The following FBN3 variants were observed in gnomAD, a reference collection of about 807,000 sequenced individuals.
FBN3 encodes fibrillin 3.
Under a neutral mutation model 330.1 loss-of-function variants are expected in FBN3, and 234 were observed. The ratio of observed to expected loss-of-function variants is 0.71; its 90% CI spans 0.64 to 0.79. The LOEUF is 0.79. Ranked by LOEUF, FBN3 falls within the 30% of genes least tolerant of loss-of-function variation. FBN3 has a pLI of 0.00. For synonymous variants in FBN3, 1,458 were observed against 1,517.3 expected (o/e 0.96, Z 0.91); for missense variants, 3,606 against 3,886.9 (o/e 0.93, Z 1.92).
Position 8,087,095 on chromosome 19 carries a change from A to G in FBN3, c.6736T>C (p.Ser2246Pro). 6.2e-7 allele frequency: 1 copy of G among 1,609,234 alleles called. No individual in the cohort carries two copies. Among genetic ancestry groups the G allele is most frequent in the Non-Finnish European group, 8.5e-7 (1 of 1,179,306 alleles). ...CCCATACCTGTGCAGCCCTCCCCAG[A>G]GCCAGGCAGGGGCCGCATGCCTGGG... is the stretch of plus-strand genomic sequence containing the variant. ...CPPGMRPLPG[S>P]GEGCTDDNEC... The change falls in exon 54 of 64, where the codon TCT (serine) becomes CCT (proline). Residue 2246 changes from serine (S) to proline (P), a missense_variant. Transcript: ENST00000600128.
intron 18 of FBN3, among the ~76,000 whole-genome samples, chr19:8,127,550 A>G (rs1302293669): frequency 6.6e-6 from 1 of 152,198 alleles, no homozygotes; most frequent in Admixed American, 6.5e-5. Context: ...GCTCAGTCCC[A>G]CAAGACTGTC....
rs2082238444 is a variant in FBN3, at chr19:8,097,539, C to A, written c.5162-125G>T. The A allele has an allele frequency of 2.7e-6, 3 of 1,104,060 alleles. No homozygotes were observed. The East Asian group carries it at 8.0e-5, about 29-fold the overall frequency. The allele number at this position is 1,104,060 out of a possible 1,614,324, so 68.4% of individuals were successfully genotyped here. A position where few individuals can be genotyped will look rare whatever the true frequency, so the allele number is the denominator to read the frequency against. On this transcript the variant is annotated intron_variant, in intron 41 of 63. Coordinates refer to ENST00000600128, the MANE Select transcript of FBN3 (RefSeq NM_032447.5). ...TTGTGGCCACAAACCAGCACACACTCAAGAAAATCTTGCTGTGACCAAAAT... is the reference window on the plus strand; with the variant it reads ...TTGTGGCCACAAACCAGCACACACTAAAGAAAATCTTGCTGTGACCAAAAT...
chr19:8,105,610 T>G (rs28504177), intron 38 of FBN3, among the ~76,000 whole-genome samples: 4 of 152,108 alleles, frequency 2.6e-5, no homozygotes, highest in Admixed American at 1.3e-4. Flanking sequence ...CTTCTTTTGG[T>G]TTTTTCAACC....
chr19:8,075,316 A>G lies in FBN3; in HGVS notation c.7549T>C (p.Phe2517Leu). 6.2e-7 allele frequency: 1 copy of G among 1,614,192 alleles called. No homozygotes were observed. The highest frequency in any genetic ancestry group is 8.5e-7 in the Non-Finnish European group (1 of 1,180,008). ...GSFRCECHQG[F>L]TLVSSGHGCE... ...CCATGGCCTGAGCTGACCAGGGTGA[A>G]GCCTTGGTGGCATTCACAGCGGAAG... Residue 2517 changes from phenylalanine (F) to leucine (L), a missense_variant, in exon 60 of 64, where the codon TTC becomes CTC. Transcript: ENST00000600128.
Position 8,121,443 on chromosome 19 carries a change from G to A in FBN3, c.3083-57C>T. The stretch of plus-strand genomic sequence containing the variant: ...CCATGTGGGCCGCATCATGGGGCAC[G>A]AGGCAGGGGGGTCCCTGTCCTTTGA... On this transcript the variant is annotated intron_variant, in intron 24 of 63. Transcript: ENST00000600128. This position sits in a 1 kb window ranked among gnomAD's most constrained non-coding sequence, Gnocchi z 4.5. 2.7e-6 allele frequency: 4 copies of A among 1,487,054 alleles called. No homozygotes were observed. Among genetic ancestry groups the A allele is most frequent in the South Asian group, 1.3e-5 (1 of 74,860 alleles). 92.1% of individuals were successfully genotyped at this position (1,487,054 alleles called of 1,614,324 possible). A position where few individuals can be genotyped will look rare whatever the true frequency, so the allele number is the denominator to read the frequency against.
chr19:8,111,949 C>T, intron 31 of FBN3, 28 bp downstream of exon 31: 2 of 1,077,376 alleles, frequency 1.9e-6, no homozygotes, highest in Non-Finnish European at 2.6e-6. Flanking sequence ...TACTGCTTTG[C>T]CCCCACTCCC....
At chr19:8,106,787 A>G (rs1162795368) in intron 37 of FBN3, among the ~76,000 whole-genome samples, 1 of 150,976 alleles carries the variant, frequency 6.6e-6, no homozygotes, top group African/African-American at 2.4e-5. Context: ...AGATGGATGG[A>G]AGGGTGGATG....
At chr19:8,095,262 A>C in intron 46 of FBN3, 113 bp downstream of exon 46, 1 of 1,181,788 alleles carries the variant, frequency 8.5e-7, no homozygotes, top group South Asian at 1.7e-5. Flanking sequence ...TTTAAATCTT[A>C]AAATAAATGC....
chr19:8,120,019 C>G (rs1361313421), intron 25 of FBN3, among the ~76,000 whole-genome samples: 1 of 151,268 alleles, frequency 6.6e-6, no homozygotes, highest in African/African-American at 2.4e-5. Context: ...CGGGGCCTCT[C>G]TATGTTGACC....
At chr19:8,135,459 G>C (rs1266049357) in intron 13 of FBN3, among the ~76,000 whole-genome samples, 2 of 151,290 alleles carry the variant, frequency 1.3e-5, no homozygotes, top group African/African-American at 4.9e-5. Context: ...TTTGTATTTA[G>C]TAGAGATGGG....
chr19:8,136,412 G>A lies in FBN3; in HGVS notation c.1321C>T (p.Gln441Ter). ...CCAATGCACTCGCCGCGCACGTCCT[G>A]GGTGTAGCCCACGTTACACTCGCAG... ...YRCECNVGYT[Q>*]DVRGECIDVD... is the part of the protein sequence containing the mutation. Residue 441 changes from glutamine to a stop codon, truncating the protein, a stop_gained, in exon 11 of 64, where the codon CAG becomes TAG. Transcript: ENST00000600128. LOFTEE classifies it high-confidence loss of function. The A allele has an allele frequency of 1.2e-6, 2 of 1,614,146 alleles. No homozygotes were observed. The highest frequency in any genetic ancestry group is 8.5e-7 in the Non-Finnish European group (1 of 1,180,006).
chr19:8,121,307 C>G lies in FBN3; in HGVS notation c.3162G>C (p.Glu1054Asp). ...AGCCACTCTCGTAGCCGGGAAAACA[C>G]TCGCACTCAAAGCTGCCCGGCGTGT... The part of the protein sequence containing the change: ...CVNTPGSFEC[E>D]CFPGYESGFM... Residue 1054 changes from glutamate to aspartate, a missense_variant, in exon 25 of 64, where the codon GAG (glutamate) becomes GAC (aspartate). Transcript: ENST00000600128. This position sits in a 1 kb window ranked among gnomAD's most constrained non-coding sequence, Gnocchi z 4.5. 1 of 1,613,388 alleles carries G rather than the reference C, an allele frequency of 6.2e-7. No homozygotes were observed. The highest frequency in any genetic ancestry group is 1.1e-5 in the South Asian group (1 of 90,990).
chr19:8,134,988 A>AT lies in FBN3; in HGVS notation c.1591+972dup, dbSNP rs751685433. 5.5e-3 allele frequency among the ~76,000 whole-genome samples: 820 copies of AT among 148,352 alleles called. 6 individuals are homozygous for AT. Among genetic ancestry groups the AT allele is most frequent in the African/African-American group, 0.019 (771 of 40,814 alleles). On this transcript the variant is annotated intron_variant, in intron 13 of 63. Coordinates refer to ENST00000600128, the MANE Select transcript of FBN3 (RefSeq NM_032447.5). ...ATATATATTTTACATATATATATAT[A>AT]TATTTTTTGAAACAAGGTCTAGGTC...
intron 59 of FBN3, among the ~76,000 whole-genome samples, chr19:8,077,886 G>A (rs2081678249): frequency 1.3e-5 from 2 of 152,102 alleles, no homozygotes; most frequent in Non-Finnish European, 2.9e-5. Context: ...AGACCAGCCC[G>A]GGCAACATGG....
rs3813779 is a variant in FBN3 at position 8,109,766 on chromosome 19, A to G, written c.4334-13T>C. 0.52 allele frequency: 755,869 copies of G among 1,459,034 alleles called. 200,529 individuals carry two copies. Among genetic ancestry groups the G allele is most frequent in the East Asian group, 0.73 (28,617 of 39,344 alleles). The allele number at this position is 1,459,034 out of a possible 1,614,324, so 90.4% of individuals were successfully genotyped here. ...CACTCGTTGATGTCTGTAGGGAGGA[A>G]GCGCGGTCCTCAGCAGGGAGCCCCT... On this transcript the variant is annotated splice_polypyrimidine_tract_variant and intron_variant, in intron 34 of 63. Transcript: ENST00000600128. The surrounding 1 kb of genome is among the most constrained non-coding windows in gnomAD (Gnocchi z 5.2).
At chr19:8,089,001 A>G (rs1229348222) in intron 51 of FBN3, among the ~76,000 whole-genome samples, 1 of 152,262 alleles carries the variant, frequency 6.6e-6, no homozygotes, top group Admixed American at 6.5e-5. Flanking sequence ...TGAATGAGTG[A>G]GAGAATTAGC....
chr19:8,129,370 G>C lies in FBN3; in HGVS notation c.2045-5C>G, dbSNP rs775513613. 5 of 1,613,662 alleles carry C rather than the reference G, an allele frequency of 3.1e-6. No homozygotes were observed. Among genetic ancestry groups the C allele is most frequent in the South Asian group, 1.1e-5 (1 of 90,982 alleles). On this transcript the variant is annotated splice_polypyrimidine_tract_variant and splice_region_variant and intron_variant, in intron 16 of 63. Coordinates refer to ENST00000600128, the MANE Select transcript of FBN3 (RefSeq NM_032447.5). The surrounding 1 kb of genome is among the most constrained non-coding windows in gnomAD (Gnocchi z 4.5). ...CCAGAGCACACTCGTTGATGTCTGC[G>C]GCAGGAGGAGGGTGTGTCAGCAGCA...
At chr19:8,127,994 C>A (rs1045862973) in intron 18 of FBN3, among the ~76,000 whole-genome samples, 3 of 151,974 alleles carry the variant, frequency 2.0e-5, no homozygotes, top group Non-Finnish European at 4.4e-5. Context: ...GAGCGAGACT[C>A]TGTCTCAAAA....
chr19:8,111,025 C>G, intron 33 of FBN3, 33 bp downstream of exon 33: 1 of 1,613,838 alleles, frequency 6.2e-7, no homozygotes, highest in African/African-American at 1.3e-5. Context: ...GACCTACCCA[C>G]TCTGTCCTCT....
Sources: allele counts gnomAD v4.1 joint callset (sites outside exome capture counted in the v4.1 genomes callset), GRCh38; gene constraint gnomAD v4.1.1; non-coding constraint Gnocchi (gnomAD v3.1); transcripts MANE v1.5; gene names NCBI Gene and HGNC (gene_info 2026-07-23, HGNC 2026-07-21).